Variants in VRK2 observed in about 807,000 individuals in gnomAD.
VRK2 encodes serine/threonine-protein kinase VRK2.
Under a neutral mutation model 57.6 loss-of-function variants are expected in VRK2, and 60 were observed. The ratio of observed to expected loss-of-function variants is 1.04; its 90% confidence interval spans 0.85 to 1.29. The LOEUF is 1.29. VRK2 is among the 50% of genes most tolerant of loss of function. The probability of loss-of-function intolerance (pLI) is 0.00; values close to 1 mark genes in which losing one functional copy is unlikely to be tolerated. For missense variants in VRK2, 705 were observed against 588.1 expected, an observed-to-expected ratio of 1.20 and a Z score of -2.06; for synonymous variants, 231 against 199.2, an observed-to-expected ratio of 1.16 and a Z score of -1.35.
intron 7 of VRK2, among the ~76,000 whole-genome samples, chr2:58,114,276 G>T (rs1676072336): frequency 6.6e-6 from 1 of 152,022 alleles, no homozygotes; most frequent in African/African-American, 2.4e-5. Context: ...CAAGAGTTTA[G>T]AGTGGCAGTT....
At chr2:58,090,907 TG>T in intron 7 of VRK2, among the ~76,000 whole-genome samples, 1 of 152,270 alleles carries the variant, frequency 6.6e-6, no homozygotes, top group South Asian at 2.1e-4. Context: ...TGAAAAAACA[TG>T]GAAGAAACCT....
rs931184159 is a variant in VRK2, at chr2:57,929,029, G to T, written c.-439+21190G>T. On this transcript the variant is annotated intron_variant, in intron 1 of 15. Transcript: ENST00000417641. ...CTAAAGCCACCATGGTCTGTGTCTT[G>T]CCCAAGGCCCACAATAACCACTGCC... is the stretch of plus-strand genomic sequence containing the variant. Among the ~76,000 whole-genome samples, 5 of 152,244 alleles carry T rather than the reference G, an allele frequency of 3.3e-5. No individual in the cohort carries two copies. In the East Asian group the frequency reaches 5.8e-4, roughly 18 times the overall value.
At chr2:58,126,075 A>C (rs1401208529) in intron 8 of VRK2, among the ~76,000 whole-genome samples, 1 of 152,086 alleles carries the variant, frequency 6.6e-6, no homozygotes, top group Non-Finnish European at 1.5e-5. Context: ...AATCTCAGAA[A>C]AATCTTTTTT....
rs190175680 is a variant in VRK2, at chr2:57,988,929, A to C, written c.-438-36736A>C. ...TACAAACCCCATATTTATGCAAAAC[A>C]CAGATTGGGGTTGCACATTCTAGCT... On this transcript the variant is annotated intron_variant, in intron 1 of 15. Transcript: ENST00000417641. Among the ~76,000 whole-genome samples, 19 of 152,242 alleles carry C rather than the reference A, an allele frequency of 1.2e-4. No individual in the cohort carries two copies. In the East Asian group the frequency reaches 3.7e-3, roughly 29 times the overall value.
Position 58,088,400 on chromosome 2 carries a change from A to G in VRK2, c.404A>G (p.Asn135Ser), listed in dbSNP as rs142982287. Residue 135 changes from asparagine (N) to serine (S), a missense_variant, in exon 6 of 13, where the codon AAT becomes AGT. Asn to Ser is a conservative substitution (Grantham distance 46). Coordinates refer to ENST00000340157, the MANE Select transcript of VRK2 (RefSeq NM_006296.7). ...GIDLQKISGQ[N>S]GTFKKSTVLQ... Reference sequence around the variant, plus strand: ...GATTTACAGAAGATCTCAGGCCAGAATGGTACCTTTAAAAAGTCAACTGTC... The same window carrying G: ...GATTTACAGAAGATCTCAGGCCAGAGTGGTACCTTTAAAAAGTCAACTGTC... 29 of 1,613,516 alleles carry G rather than the reference A, an allele frequency of 1.8e-5. No homozygotes were observed. In the African/African-American group the frequency reaches 3.5e-4, roughly 19 times the overall value.
chr2:57,969,868 A>G (rs1341175543), intron 1 of VRK2, among the ~76,000 whole-genome samples: 1 of 152,036 alleles, frequency 6.6e-6, no homozygotes, highest in Non-Finnish European at 1.5e-5. Context: ...TATAGCTTCA[A>G]ACATGTTTTC....
chr2:58,091,065 A>G (rs1330755818), intron 7 of VRK2, among the ~76,000 whole-genome samples: 2 of 152,198 alleles, frequency 1.3e-5, no homozygotes, highest in Non-Finnish European at 2.9e-5. Flanking sequence ...AAGGGAGAGG[A>G]AGGATGAATG....
chr2:57,943,458 G>A (rs1378279863), intron 1 of VRK2, among the ~76,000 whole-genome samples: 2 of 152,146 alleles, frequency 1.3e-5, no homozygotes, highest in African/African-American at 4.8e-5. Context: ...CTCTCTTGAG[G>A]CCCTAGAAAG....
chr2:57,930,912 A>G (rs1353035927), intron 1 of VRK2, among the ~76,000 whole-genome samples: 3 of 152,196 alleles, frequency 2.0e-5, no homozygotes, highest in Non-Finnish European at 2.9e-5. Flanking sequence ...ATTTTTGCAA[A>G]TGAGAGGATT....
chr2:58,041,923 C>G (rs185865788), upstream of VRK2, among the ~76,000 whole-genome samples: 1 of 152,048 alleles, frequency 6.6e-6, no homozygotes, highest in Admixed American at 6.5e-5. Flanking sequence ...TCCTACCCCC[C>G]TTTCAAGCTG....
chr2:58,095,774 T>C (rs1673051878), intron 7 of VRK2, among the ~76,000 whole-genome samples: 1 of 152,126 alleles, frequency 6.6e-6, no homozygotes, highest in Admixed American at 6.5e-5. Context: ...CATTGTCTAA[T>C]ACATTCAATA....
chr2:57,993,730 T>C (rs1672840825), intron 1 of VRK2, among the ~76,000 whole-genome samples: 1 of 152,250 alleles, frequency 6.6e-6, no homozygotes, highest in African/African-American at 2.4e-5. Flanking sequence ...TCTCTGGGGA[T>C]GCTTCTCTTT....
intron 2 of VRK2, chr2:58,028,238 TAA>T (rs1432488914): frequency 5.9e-5 from 9 of 152,136 alleles, no homozygotes; most frequent in Admixed American, 3.9e-4. Context: ...AGGTGACACT[TAA>T]GAGTGACAAG....
At chr2:57,927,445 T>A (rs1417939448) in intron 1 of VRK2, among the ~76,000 whole-genome samples, 2 of 152,040 alleles carry the variant, frequency 1.3e-5, no homozygotes, top group Non-Finnish European at 2.9e-5. Context: ...CTGGGTTAAT[T>A]TTTGTATTTT....
upstream of VRK2, chr2:58,046,438 T>C: frequency 3.1e-6 from 3 of 964,246 alleles, no homozygotes; most frequent in Non-Finnish European, 3.7e-6. Flanking sequence ...CGGTAAGGAC[T>C]AGCCATTTGG....
At chr2:58,133,230 T>TTATC (rs58636086) in intron 9 of VRK2, among the ~76,000 whole-genome samples, 15,639 of 151,988 alleles carry the variant, frequency 0.1, 2,723 homozygotes, top group African/African-American at 0.36. Context: ...TTATGCATAT[T>TTATC]TATAATAGGA....
At chr2:57,909,102 T>G (rs187565580) in intron 1 of VRK2, among the ~76,000 whole-genome samples, 118 of 152,324 alleles carry the variant, frequency 7.7e-4, no homozygotes, top group African/African-American at 2.8e-3. Flanking sequence ...TCAGTGGAGC[T>G]CATGAACTGC....
intron 1 of VRK2, among the ~76,000 whole-genome samples, chr2:57,978,635 C>CTT (rs1243598089): frequency 1.4e-5 from 2 of 145,446 alleles, no homozygotes; most frequent in Non-Finnish European, 3.0e-5. Flanking sequence ...GGCCAAGTAT[C>CTT]TTTTTTTTTT....
chr2:58,035,582 G>A (rs984315907), intron 3 of VRK2, among the ~76,000 whole-genome samples: 1 of 151,998 alleles, frequency 6.6e-6, no homozygotes, highest in African/African-American at 2.4e-5. Flanking sequence ...AATCAGCACT[G>A]TCATAAATAC....
Sources: allele counts gnomAD v4.1 joint callset (sites outside exome capture counted in the v4.1 genomes callset), GRCh38; gene constraint gnomAD v4.1.1; transcripts MANE v1.5; gene names NCBI Gene and HGNC (gene_info 2026-07-23, HGNC 2026-07-21).